Variants in COBL observed in about 807,000 individuals in gnomAD.
COBL encodes the protein cordon-bleu WH2 repeat protein, also known as protein cordon-bleu.
Under a neutral mutation model 98.8 loss-of-function variants are expected in COBL, and 51 were observed. The observed-to-expected ratio is 0.52, with a 90% CI of 0.41 to 0.65. The LOEUF is 0.65. Among genes scored for constraint, COBL ranks in the 30% least tolerant of loss-of-function variants. COBL has a pLI of 0.00. For synonymous variants in COBL, 634 were observed against 651.7 expected, an observed-to-expected ratio of 0.97 and a Z score of 0.41; for missense variants, 1,617 against 1,617.5, an observed-to-expected ratio of 1.00 and a Z score of 0.01.
At chr7:51,029,704 A>G in intron 9 of COBL, 113 bp from the exon 10 acceptor site, 1 of 860,686 alleles carries the variant, frequency 1.2e-6, no homozygotes, top group South Asian at 1.9e-5. Context: ...TTATTTATAT[A>G]CGTTTTAAAA....
chr7:51,229,614 A>G (rs1485849707), intron 1 of COBL, among the ~76,000 whole-genome samples: 1 of 152,202 alleles, frequency 6.6e-6, no homozygotes, highest in Non-Finnish European at 1.5e-5. Context: ...CATTTGCTGA[A>G]TTTGTATAAA....
At chr7:51,120,359 A>C (rs977747704) in intron 6 of COBL, among the ~76,000 whole-genome samples, 2 of 152,190 alleles carry the variant, frequency 1.3e-5, no homozygotes, top group Non-Finnish European at 2.9e-5. Context: ...TTACTCAAAA[A>C]TATAACACAC....
intron 7 of COBL, among the ~76,000 whole-genome samples, chr7:51,075,349 T>A (rs922584971): frequency 2.6e-5 from 4 of 152,202 alleles, no homozygotes; most frequent in Non-Finnish European, 5.9e-5. Context: ...GCTATTGACA[T>A]CAGTCACTGA....
intron 7 of COBL, among the ~76,000 whole-genome samples, chr7:51,066,458 A>C (rs1168695511): frequency 4.6e-5 from 7 of 152,190 alleles, no homozygotes; most frequent in Admixed American, 3.9e-4. Flanking sequence ...GGGATATGGA[A>C]GTTAAGCAGG....
At chr7:51,315,644 C>T (rs566150033) in intron 1 of COBL, among the ~76,000 whole-genome samples, 20 of 152,304 alleles carry the variant, frequency 1.3e-4, no homozygotes, top group African/African-American at 4.6e-4. Context: ...GTCCCCGGCG[C>T]GCCGCGCTGA....
intron 8 of COBL, among the ~76,000 whole-genome samples, chr7:51,040,766 C>T (rs79042699): frequency 0.013 from 2,030 of 152,302 alleles, 29 homozygotes; most frequent in African/African-American, 0.046. Context: ...CAGGAAAACA[C>T]GCCATATTCC....
chr7:51,151,277 A>G (rs1399684000), intron 5 of COBL, among the ~76,000 whole-genome samples: 3 of 152,206 alleles, frequency 2.0e-5, no homozygotes, highest in South Asian at 2.1e-4. Flanking sequence ...TAAACGCTGT[A>G]TGTCAGCTCA....
intron 5 of COBL, among the ~76,000 whole-genome samples, chr7:51,142,783 T>C (rs1390557650): frequency 6.6e-6 from 1 of 152,136 alleles, no homozygotes; most frequent in Non-Finnish European, 1.5e-5. Context: ...TGCCAGGCAT[T>C]TGAATGTTTA....
intron 1 of COBL, among the ~76,000 whole-genome samples, chr7:51,274,415 C>G (rs1257159865): frequency 2.0e-5 from 3 of 152,242 alleles, no homozygotes; most frequent in African/African-American, 7.2e-5. Context: ...CTGTTTGTCT[C>G]ATCAACACAA....
At chr7:51,097,091 C>A (rs1331093187) in intron 6 of COBL, among the ~76,000 whole-genome samples, 1 of 151,980 alleles carries the variant, frequency 6.6e-6, no homozygotes, top group Non-Finnish European at 1.5e-5. Context: ...AATTCTCAAC[C>A]AAGCACTAGC....
At chr7:51,023,329 G>T (rs1203334472) in intron 12 of COBL, among the ~76,000 whole-genome samples, 1 of 152,290 alleles carries the variant, frequency 6.6e-6, no homozygotes, top group Non-Finnish European at 1.5e-5. Context: ...CTATCCTGAG[G>T]AGATGGCATA....
rs773830122 is a variant in COBL, at chr7:51,041,478, C to CTTTTTTT, written c.1406+1898_1406+1904dup. Among the ~76,000 whole-genome samples the CTTTTTTT allele has an allele frequency of 5.7e-4, 46 of 80,036 alleles. 2 individuals are homozygous for CTTTTTTT. The highest frequency in any genetic ancestry group is 7.3e-4 in the African/African-American group (15 of 20,648). The allele number at this position is 80,036 out of a possible 152,430, so 52.5% of individuals were successfully genotyped here. On this transcript the variant is annotated intron_variant, in intron 8 of 12. Coordinates refer to ENST00000265136, the MANE Select transcript of COBL (RefSeq NM_015198.5). ...TAAATCAGTTTACCTTATTTCTTTC[C>CTTTTTTT]TTTTTTTTTTTTTTTTTTTTTTTGA...
chr7:51,168,401 A>G (rs571473383), intron 5 of COBL, among the ~76,000 whole-genome samples: 30 of 151,924 alleles, frequency 2.0e-4, no homozygotes, highest in Admixed American at 1.9e-3. Flanking sequence ...GCACCACTGC[A>G]CTCCAGCACC....
chr7:51,056,534 T>A (rs558672021), intron 7 of COBL, among the ~76,000 whole-genome samples: 22 of 152,226 alleles, frequency 1.4e-4, no homozygotes, highest in African/African-American at 4.6e-4. Context: ...GCCAGCTGGG[T>A]TATTTTTGCC....
chr7:51,234,614 T>C (rs1055641365), intron 1 of COBL, among the ~76,000 whole-genome samples: 6 of 149,842 alleles, frequency 4.0e-5, no homozygotes, highest in African/African-American at 1.2e-4. Flanking sequence ...GGTGGAAGAA[T>C]TGCTTGGGCC....
At chr7:51,181,379 TG>T (rs1281257192) in intron 5 of COBL, among the ~76,000 whole-genome samples, 36 of 152,356 alleles carry the variant, frequency 2.4e-4, no homozygotes, top group African/African-American at 8.4e-4. Context: ...CTACTTGAGC[TG>T]TAACACTGAG....
At chr7:51,277,988 CTG>C (rs1353545687) in intron 1 of COBL, among the ~76,000 whole-genome samples, 1 of 152,208 alleles carries the variant, frequency 6.6e-6, no homozygotes, top group African/African-American at 2.4e-5. Flanking sequence ...GATCTCTTCT[CTG>C]TGCCTGCGTG....
intron 2 of COBL, among the ~76,000 whole-genome samples, chr7:51,198,167 T>G (rs1007156713): frequency 6.6e-6 from 1 of 152,196 alleles, no homozygotes; most frequent in Non-Finnish European, 1.5e-5. Flanking sequence ...CCATATTTAG[T>G]GCTTGCTTCA....
chr7:51,212,723 G>A (rs1008536575), intron 2 of COBL, among the ~76,000 whole-genome samples: 2 of 152,216 alleles, frequency 1.3e-5, no homozygotes, highest in Non-Finnish European at 2.9e-5. Flanking sequence ...AGAGCTAGTG[G>A]CATGCACCAT....
Sources: gnomAD v4.1 joint callset for allele counts (sites outside exome capture counted in the v4.1 genomes callset) on GRCh38, gnomAD v4.1.1 for gene constraint, MANE v1.5 for transcripts, NCBI Gene and HGNC (gene_info 2026-07-23, HGNC 2026-07-21) for gene names.